CRMP1: variants seen among roughly 807,000 people sequenced by gnomAD.
CRMP1 encodes dihydropyrimidinase-related protein 1.
A neutral mutation model predicts 68.3 loss-of-function variants in CRMP1; 19 were observed. The ratio of observed to expected loss-of-function variants is 0.28; its 90% confidence interval spans 0.19 to 0.41. CRMP1 has a LOEUF of 0.41. Among genes scored for constraint, CRMP1 ranks in the 10% least tolerant of loss-of-function variants. The pLI, the probability that CRMP1 is intolerant of heterozygous loss-of-function variation, is 1.00. For missense variants in CRMP1, 791 were observed against 967.4 expected (o/e 0.82, Z 2.42); for synonymous variants, 439 against 399.6 (o/e 1.10, Z -1.18).
intron 10 of CRMP1, among the ~76,000 whole-genome samples, chr4:5,836,474 C>A (rs551581562): frequency 3.3e-5 from 5 of 152,338 alleles, no homozygotes; most frequent in African/African-American, 1.2e-4. Flanking sequence ...ACACACACAG[C>A]GTTACAGAGC....
At position 5,842,956 on chromosome 4, in the gene CRMP1, A is replaced by T; in HGVS notation, c.1032+137T>A. 1.3e-6 allele frequency: 1 copy of T among 799,916 alleles called. No individual in the cohort carries two copies. The highest frequency in any genetic ancestry group is 2.1e-6 in the Non-Finnish European group (1 of 481,042). 49.6% of individuals were successfully genotyped at this position (799,916 alleles called of 1,614,324 possible). A position where few individuals can be genotyped will look rare whatever the true frequency, so the allele number is the denominator to read the frequency against. On this transcript the variant is annotated intron_variant, in intron 7 of 13. Transcript: ENST00000324989. This position sits in a 1 kb window ranked among gnomAD's most constrained non-coding sequence, Gnocchi z 4.5. ...GCAGTCCCCAGGGTTCCCGGGGAAA[A>T]CAAGATGGTTTGGGATGGTCTGGGA... is the stretch of plus-strand genomic sequence containing the variant.
In CRMP1 at chr4:5,881,603, C is replaced by T. The variant is rs540099765; in HGVS notation, c.381+10986G>A. ...TATATGCTCTCACGGCAAAGTCCTC[C>T]GGTGTTCCTCTTCCATGGCAAGAGC... On this transcript the variant is annotated intron_variant, in intron 1 of 13. Transcript: ENST00000324989. This position sits in a 1 kb window ranked among gnomAD's most constrained non-coding sequence, Gnocchi z 4.6. Among the ~76,000 whole-genome samples, 5 of 152,234 alleles carry T rather than the reference C, an allele frequency of 3.3e-5. No individual in the cohort carries two copies. The East Asian group carries it at 5.8e-4, about 18-fold the overall frequency.
intron 11 of CRMP1, among the ~76,000 whole-genome samples, chr4:5,830,505 C>A (rs1285620066): frequency 6.6e-6 from 1 of 152,146 alleles, no homozygotes; most frequent in East Asian, 1.9e-4. Flanking sequence ...AATCTTTGAA[C>A]CATGGTTTGA....
In CRMP1 at chr4:5,888,628, C is replaced by A. The variant is rs1356107286; in HGVS notation, c.381+3961G>T. On this transcript the variant is annotated intron_variant, in intron 1 of 13. Coordinates refer to ENST00000324989, the MANE Select transcript of CRMP1 (RefSeq NM_001014809.3). This position sits in a 1 kb window ranked among gnomAD's most constrained non-coding sequence, Gnocchi z 6.4. ...TTCCCTTCCGATCTCCCACCCCGCC[C>A]CCCGCCCCCCACCCGCCCAGCCCCG... is the stretch of plus-strand genomic sequence containing the variant. The A allele has an allele frequency of 2.7e-6, 2 of 743,924 alleles. No homozygotes were observed. Among genetic ancestry groups the A allele is most frequent in the Non-Finnish European group, 3.3e-6 (2 of 605,946 alleles). 46.1% of individuals were successfully genotyped at this position (743,924 alleles called of 1,614,324 possible). A position where few individuals can be genotyped will look rare whatever the true frequency, so the allele number is the denominator to read the frequency against.
Position 5,865,136 on chromosome 4 carries a change from A to G in CRMP1, c.470+1532T>C, listed in dbSNP as rs1474281582. ...GCCCCAGGATGATCCTGTTAACAGTATCAATCCCTTTCTGCCTTCCCCTTG... is the reference window on the plus strand; with the variant it reads ...GCCCCAGGATGATCCTGTTAACAGTGTCAATCCCTTTCTGCCTTCCCCTTG... On this transcript the variant is annotated intron_variant, in intron 2 of 13. Coordinates refer to ENST00000324989, the MANE Select transcript of CRMP1 (RefSeq NM_001014809.3). This position sits in a 1 kb window ranked among gnomAD's most constrained non-coding sequence, Gnocchi z 4.1. 6.6e-6 allele frequency among the ~76,000 whole-genome samples: 1 copy of G among 151,926 alleles called. No homozygotes were observed. The highest frequency in any genetic ancestry group is 2.4e-5 in the African/African-American group (1 of 41,332).
chr4:5,889,951 G>C lies in CRMP1; in HGVS notation c.381+2638C>G, dbSNP rs1428278214. The stretch of plus-strand genomic sequence containing the variant: ...TACAGACAGGAAATTGAGGCTTACA[G>C]AGGTAAAATGATGTACCCCGGGTGC... On this transcript the variant is annotated intron_variant, in intron 1 of 13. Transcript: ENST00000324989. This position sits in a 1 kb window ranked among gnomAD's most constrained non-coding sequence, Gnocchi z 4.5. 9.8e-6 allele frequency: 13 copies of C among 1,328,038 alleles called. No homozygotes were observed. The East Asian group carries it at 4.0e-4, about 41-fold the overall frequency. 82.3% of individuals were successfully genotyped at this position (1,328,038 alleles called of 1,614,324 possible).
chr4:5,858,809 G>A lies in CRMP1; in HGVS notation c.655+2217C>T, dbSNP rs1368395318. Reference sequence around the variant, plus strand: ...CCTCTCCTTCCAGCCTTGCCTCACAGGATGTCATCCCTCAATCTCGACACC... The same window carrying A: ...CCTCTCCTTCCAGCCTTGCCTCACAAGATGTCATCCCTCAATCTCGACACC... On this transcript the variant is annotated intron_variant, in intron 3 of 13. Transcript: ENST00000324989. This position sits in a 1 kb window ranked among gnomAD's most constrained non-coding sequence, Gnocchi z 5.5. Among the ~76,000 whole-genome samples the A allele has an allele frequency of 3.9e-5, 6 of 152,192 alleles. No homozygotes were observed. Among genetic ancestry groups the A allele is most frequent in the African/African-American group, 1.4e-4 (6 of 41,454 alleles).
At chr4:5,837,650 T>TAAAATAA (rs1553903977) in intron 9 of CRMP1, among the ~76,000 whole-genome samples, 1 of 134,822 alleles carries the variant, frequency 7.4e-6, no homozygotes, top group African/African-American at 3.0e-5. Flanking sequence ...TAAAATAAAA[T>TAAAATAA]AATAAAATAA....
chr4:5,831,016 A>T (rs1288344810), intron 11 of CRMP1, among the ~76,000 whole-genome samples: 2 of 152,184 alleles, frequency 1.3e-5, no homozygotes, highest in African/African-American at 4.8e-5. Context: ...TGGCACGATC[A>T]TGGCTCACTA....
chr4:5,825,748 G>A lies in CRMP1; in HGVS notation c.1804-89C>T. On this transcript the variant is annotated intron_variant, in intron 12 of 13. Coordinates refer to ENST00000324989, the MANE Select transcript of CRMP1 (RefSeq NM_001014809.3). This position sits in a 1 kb window ranked among gnomAD's most constrained non-coding sequence, Gnocchi z 4.4. The stretch of plus-strand genomic sequence containing the variant: ...AAAGCAGAGCCCTGCGGGCGAGAGA[G>A]AAACCTGAGGTCACTTCAAATGTGC... The A allele has an allele frequency of 1.5e-6, 2 of 1,363,530 alleles. No individual in the cohort carries two copies. Among genetic ancestry groups the A allele is most frequent in the Non-Finnish European group, 2.0e-6 (2 of 986,956 alleles). The allele number at this position is 1,363,530 out of a possible 1,614,324, so 84.5% of individuals were successfully genotyped here. A position where few individuals can be genotyped will look rare whatever the true frequency, so the allele number is the denominator to read the frequency against.
Position 5,866,851 on chromosome 4 carries a change from T to C in CRMP1, c.382-95A>G. 1.1e-6 allele frequency: 1 copy of C among 902,258 alleles called. No individual in the cohort carries two copies. Among genetic ancestry groups the C allele is most frequent in the Non-Finnish European group, 1.6e-6 (1 of 611,850 alleles). The allele number at this position is 902,258 out of a possible 1,614,324, so 55.9% of individuals were successfully genotyped here. A position where few individuals can be genotyped will look rare whatever the true frequency, so the allele number is the denominator to read the frequency against. On this transcript the variant is annotated intron_variant, in intron 1 of 13. Coordinates refer to ENST00000324989, the MANE Select transcript of CRMP1 (RefSeq NM_001014809.3). The surrounding 1 kb of genome is among the most constrained non-coding windows in gnomAD (Gnocchi z 5.9). ...TTAATATAAGAATTATCAAATATTT[T>C]CAAAAGTAAAGGCATTTAACTTCCC... is the stretch of plus-strand genomic sequence containing the variant.
chr4:5,864,153 T>C (rs1018034524), intron 2 of CRMP1, among the ~76,000 whole-genome samples: 1 of 152,178 alleles, frequency 6.6e-6, no homozygotes, highest in Non-Finnish European at 1.5e-5. Flanking sequence ...CCATGGCCAC[T>C]TGCTCCTTCT....
chr4:5,827,920 C>A, intron 12 of CRMP1: 1 of 550,332 alleles, frequency 1.8e-6, no homozygotes. Context: ...AGAGCCTGCT[C>A]CTTCCCTTTG....
In CRMP1 at chr4:5,854,424, T is replaced by C. The variant is rs1420807149; in HGVS notation, c.820+1719A>G. Among the ~76,000 whole-genome samples the C allele has an allele frequency of 1.1e-5, 1 of 92,574 alleles. No homozygotes were observed. Among genetic ancestry groups the C allele is most frequent in the Non-Finnish European group, 2.3e-5 (1 of 44,166 alleles). 60.7% of individuals were successfully genotyped at this position (92,574 alleles called of 152,430 possible). ...GTTTTTTTTTTTTTTTTTTTTTTTT[T>C]AATAGAGTCGTGGTCTCACTATGTT... On this transcript the variant is annotated intron_variant, in intron 4 of 13. Coordinates refer to ENST00000324989, the MANE Select transcript of CRMP1 (RefSeq NM_001014809.3). The surrounding 1 kb of genome is among the most constrained non-coding windows in gnomAD (Gnocchi z 4.0).
chr4:5,830,934 G>C (rs932034904), intron 11 of CRMP1, among the ~76,000 whole-genome samples: 1 of 152,112 alleles, frequency 6.6e-6, no homozygotes, highest in Non-Finnish European at 1.5e-5. Context: ...CTGAATTTAT[G>C]TAAGTCTTTA....
chr4:5,856,110 T>A, intron 4 of CRMP1, 33 bp downstream of exon 4: 1 of 1,609,676 alleles, frequency 6.2e-7, no homozygotes, highest in Non-Finnish European at 8.5e-7. Flanking sequence ...AACAAGGGAT[T>A]CCCCAAAACC....
intron 4 of CRMP1, 52 bp from the exon 5 acceptor site, chr4:5,851,521 A>G: frequency 1.3e-6 from 2 of 1,539,084 alleles, no homozygotes; most frequent in Non-Finnish European, 1.8e-6. Context: ...AAACAGAAGC[A>G]TGTCTTTCCA....
intron 11 of CRMP1, among the ~76,000 whole-genome samples, chr4:5,831,348 G>T (rs976180700): frequency 1.3e-5 from 2 of 151,968 alleles, no homozygotes; most frequent in African/African-American, 4.8e-5. Flanking sequence ...TCTTTATATT[G>T]GTTTGTAATC....
In CRMP1 at chr4:5,843,417, G is replaced by A. The variant is rs1044570074; in HGVS notation, c.964-256C>T. 5.3e-5 allele frequency among the ~76,000 whole-genome samples: 8 copies of A among 152,104 alleles called. No homozygotes were observed. The highest frequency in any genetic ancestry group is 1.0e-4 in the Non-Finnish European group (7 of 68,020). On this transcript the variant is annotated intron_variant, in intron 6 of 13. Coordinates refer to ENST00000324989, the MANE Select transcript of CRMP1 (RefSeq NM_001014809.3). The surrounding 1 kb of genome is among the most constrained non-coding windows in gnomAD (Gnocchi z 4.1). ...ATTGAATCTCCCGGGATCAATGAGA[G>A]GAAGCAGGGTTATAAGACACGAGCT...
Sources: allele counts gnomAD v4.1 joint callset (sites outside exome capture counted in the v4.1 genomes callset), GRCh38; gene constraint gnomAD v4.1.1; non-coding constraint Gnocchi (gnomAD v3.1); transcripts MANE v1.5; gene names NCBI Gene and HGNC (gene_info 2026-07-23, HGNC 2026-07-21).